ACAP2: variants seen among roughly 807,000 people sequenced by gnomAD.
ACAP2 encodes ArfGAP with coiled-coil, ankyrin repeat and PH domains 2.
A neutral mutation model predicts 115.8 loss-of-function variants in ACAP2; 39 were observed. The observed-to-expected ratio is 0.34, with a 90% confidence interval of 0.26 to 0.44. The LOEUF (loss-of-function observed/expected upper bound fraction) is 0.44, where lower values mean the gene tolerates loss of function less well. ACAP2 is among the 20% of genes least tolerant of loss of function. The pLI, the probability that ACAP2 is intolerant of heterozygous loss-of-function variation, is 1.00. For synonymous variants in ACAP2, 289 were observed against 315.8 expected, an observed-to-expected ratio of 0.92 and a Z score of 0.90; for missense variants, 662 against 927.6, an observed-to-expected ratio of 0.71 and a Z score of 3.72.
chr3:195,425,606 A>C (rs2108845512), intron 1 of ACAP2, among the ~76,000 whole-genome samples: 1 of 152,320 alleles, frequency 6.6e-6, no homozygotes, highest in South Asian at 2.1e-4. Flanking sequence ...GCTGCACAGC[A>C]ATGCCAGCCC....
At chr3:195,323,377 T>C (rs990561688) in intron 9 of ACAP2, among the ~76,000 whole-genome samples, 2 of 152,048 alleles carry the variant, frequency 1.3e-5, no homozygotes, top group South Asian at 2.1e-4. Flanking sequence ...ACAAAATCAA[T>C]ACAGAAAAAT....
chr3:195,429,655 G>A (rs1013506749), intron 1 of ACAP2, among the ~76,000 whole-genome samples: 1 of 152,000 alleles, frequency 6.6e-6, no homozygotes, highest in Non-Finnish European at 1.5e-5. Context: ...GTACAATTGT[G>A]CATTTCAATG....
At chr3:195,411,893 GAA>G (rs79065446) in intron 1 of ACAP2, among the ~76,000 whole-genome samples, 1 of 123,314 alleles carries the variant, frequency 8.1e-6, no homozygotes, top group South Asian at 2.6e-4. Context: ...TAGTAATAAG[GAA>G]AAAAAAAAAA....
intron 22 of ACAP2, among the ~76,000 whole-genome samples, chr3:195,281,657 C>G (rs922398321): frequency 6.6e-6 from 1 of 152,208 alleles, no homozygotes; most frequent in East Asian, 1.9e-4. Flanking sequence ...AAGGTTGATA[C>G]GTTGGAACAG....
rs568291472 is a variant in ACAP2 at position 195,442,836 on chromosome 3, A to G, written c.12T>C (p.Thr4=). The G allele has an allele frequency of 2.0e-6, 3 of 1,525,928 alleles. No homozygotes were observed. The highest frequency in any genetic ancestry group is 4.1e-5 in the Admixed American group (2 of 48,542). 94.5% of individuals were successfully genotyped at this position (1,525,928 alleles called of 1,614,324 possible). MKM[T]VDFEECLKDS... ...CCTTCAGACACTCCTCGAAATCCAC[A>G]GTCATCTTCATCCTGCCTCCGCCTC... Residue 4 remains threonine (T), a synonymous_variant, in exon 1 of 23, where the codon ACT becomes ACC. Coordinates refer to ENST00000326793, the MANE Select transcript of ACAP2 (RefSeq NM_012287.6).
At chr3:195,297,640 T>TAA (rs2108948220) in intron 15 of ACAP2, among the ~76,000 whole-genome samples, 1 of 152,320 alleles carries the variant, frequency 6.6e-6, no homozygotes, top group East Asian at 1.9e-4. Context: ...ATCTACACAG[T>TAA]AAGGTGCAGT....
At chr3:195,364,699 A>G (rs1732596311) in intron 4 of ACAP2, among the ~76,000 whole-genome samples, 1 of 152,208 alleles carries the variant, frequency 6.6e-6, no homozygotes, top group Non-Finnish European at 1.5e-5. Context: ...TAGTACAACC[A>G]CTAAGGAAAA....
intron 22 of ACAP2, among the ~76,000 whole-genome samples, chr3:195,280,562 A>G (rs1726431176): frequency 6.6e-6 from 1 of 152,246 alleles, no homozygotes; most frequent in Admixed American, 6.5e-5. Flanking sequence ...TCATATGAGC[A>G]AGAATGCTAT....
chr3:195,364,170 G>A (rs1323914763), intron 4 of ACAP2, among the ~76,000 whole-genome samples: 2 of 152,140 alleles, frequency 1.3e-5, no homozygotes, highest in Non-Finnish European at 2.9e-5. Flanking sequence ...ACAATCCACA[G>A]GAGAAAATAT....
chr3:195,438,631 G>A (rs866969296), intron 1 of ACAP2, among the ~76,000 whole-genome samples: 15 of 152,280 alleles, frequency 9.9e-5, no homozygotes, highest in Middle Eastern at 6.8e-3. Flanking sequence ...AGCTACTCAG[G>A]AGGCTGCGGC....
At chr3:195,296,127 T>C (rs1360352835) in intron 16 of ACAP2, among the ~76,000 whole-genome samples, 1 of 152,132 alleles carries the variant, frequency 6.6e-6, no homozygotes, top group Non-Finnish European at 1.5e-5. Flanking sequence ...AAATCACTAG[T>C]ATTAACATGC....
intron 4 of ACAP2, among the ~76,000 whole-genome samples, chr3:195,371,132 G>C (rs1733109298): frequency 6.6e-6 from 1 of 152,100 alleles, no homozygotes; most frequent in Non-Finnish European, 1.5e-5. Context: ...GAATAGCACT[G>C]AATCTGTAAA....
Position 195,279,379 on chromosome 3 carries a change from G to T in ACAP2, c.2286C>A (p.Ser762=). 1 of 1,606,284 alleles carries T rather than the reference G, an allele frequency of 6.2e-7. No individual in the cohort carries two copies. The highest frequency in any genetic ancestry group is 8.5e-7 in the Non-Finnish European group (1 of 1,177,914). ...DIFRDFSQMA[S]NNPEKLNRFQ... ...AACGATTTAGTTTCTCTGGATTATT[G>T]GATGCCATTTGGGAAAAATCACGAA... Residue 762 remains serine (S), a synonymous_variant, in exon 23 of 23, where the codon TCC becomes TCA. Coordinates refer to ENST00000326793, the MANE Select transcript of ACAP2 (RefSeq NM_012287.6).
chr3:195,427,393 G>C (rs1714764014), intron 1 of ACAP2, among the ~76,000 whole-genome samples: 2 of 151,976 alleles, frequency 1.3e-5, no homozygotes, highest in Non-Finnish European at 2.9e-5. Flanking sequence ...TAAAAAGCTA[G>C]TCATCCATCA....
intron 10 of ACAP2, among the ~76,000 whole-genome samples, chr3:195,309,708 T>C (rs1242894295): frequency 6.6e-6 from 1 of 152,178 alleles, no homozygotes; most frequent in Non-Finnish European, 1.5e-5. Flanking sequence ...CAATCACAAA[T>C]TAGCTTGGCC....
chr3:195,416,324 G>A (rs1312413390), intron 1 of ACAP2, among the ~76,000 whole-genome samples: 5 of 149,512 alleles, frequency 3.3e-5, no homozygotes, highest in Non-Finnish European at 3.0e-5. Context: ...CTGGCCTGGT[G>A]ACAGAGCAAG....
intron 10 of ACAP2, among the ~76,000 whole-genome samples, chr3:195,318,614 A>T (rs925110194): frequency 6.6e-6 from 1 of 152,260 alleles, no homozygotes; most frequent in Non-Finnish European, 1.5e-5. Flanking sequence ...GAGAGGATTT[A>T]GGATATCTGG....
chr3:195,431,737 G>A (rs1468553566), intron 1 of ACAP2, among the ~76,000 whole-genome samples: 5 of 151,594 alleles, frequency 3.3e-5, no homozygotes, highest in Non-Finnish European at 7.4e-5. Context: ...ATGAGGCACC[G>A]CACCCAGCCT....
At chr3:195,410,943 G>C (rs773627646) in intron 1 of ACAP2, 7 of 347,830 alleles carry the variant, frequency 2.0e-5, no homozygotes, top group Non-Finnish European at 3.4e-5. Context: ...CTTGAAAGCA[G>C]AGATAGCTGG....
Sources: allele counts gnomAD v4.1 joint callset (sites outside exome capture counted in the v4.1 genomes callset), GRCh38; gene constraint gnomAD v4.1.1; transcripts MANE v1.5; gene names NCBI Gene and HGNC (gene_info 2026-07-23, HGNC 2026-07-21).